Variants in MECOM observed in about 807,000 individuals in gnomAD.
MECOM encodes MDS1 and EVI1 complex locus, also known as histone-lysine N-methyltransferase MECOM.
In MECOM, 13 loss-of-function variants were observed where a neutral mutation model predicts 116.3. The observed-to-expected ratio is 0.11, with a 90% CI of 0.07 to 0.18. The LOEUF (loss-of-function observed/expected upper bound fraction) is 0.18, where lower values mean the gene tolerates loss of function less well. MECOM is among the 10% of genes least tolerant of loss of function. MECOM has a pLI of 1.00. For synonymous variants in MECOM, 528 were observed against 535.2 expected, an observed-to-expected ratio of 0.99 and a Z score of 0.19; for missense variants, 1,299 against 1,509.0, an observed-to-expected ratio of 0.86 and a Z score of 2.31.
At chr3:169,414,759 C>T (rs890795287) in intron 1 of MECOM, among the ~76,000 whole-genome samples, 8 of 151,996 alleles carry the variant, frequency 5.3e-5, no homozygotes, top group Non-Finnish European at 1.0e-4. Context: ...ATAGCCCAAT[C>T]AATCAAGTGG....
Position 169,116,150 on chromosome 3 carries a change from A to G in MECOM, c.1722T>C (p.Ser574=), listed in dbSNP as rs1460979618. The change falls in exon 8 of 17, where the codon AGT becomes AGC. Residue 574 remains serine (S), a synonymous_variant. Transcript: ENST00000651503. ...CAAGGTCACTACTCTCTGACTGGTC[A>G]CTGATTTTCTCAAAGGGCCTCTCTT... The part of the protein sequence containing the change: ...SSEERPFEKI[S]DQSESSDLDD... The G allele has an allele frequency of 1.2e-6, 2 of 1,613,994 alleles. No individual in the cohort carries two copies. Among genetic ancestry groups the G allele is most frequent in the Non-Finnish European group, 1.7e-6 (2 of 1,180,036 alleles).
intron 2 of MECOM, among the ~76,000 whole-genome samples, chr3:169,238,515 A>G (rs1443142452): frequency 6.6e-6 from 1 of 152,214 alleles, no homozygotes; most frequent in Non-Finnish European, 1.5e-5. Flanking sequence ...CCTTCAGATT[A>G]ATGTAAGGAA....
intron 1 of MECOM, chr3:169,565,912 T>C: frequency 2.3e-6 from 1 of 441,360 alleles, no homozygotes; most frequent in African/African-American, 2.0e-5. Flanking sequence ...TCACACTCCT[T>C]TAAAGAACTA....
chr3:169,535,312 A>C (rs1198870337), intron 1 of MECOM, among the ~76,000 whole-genome samples: 10 of 152,182 alleles, frequency 6.6e-5, no homozygotes, highest in African/African-American at 2.4e-4. Flanking sequence ...TGGCCCCAAG[A>C]GTCCTATTCA....
chr3:169,504,891 T>C (rs962773870), intron 1 of MECOM, among the ~76,000 whole-genome samples: 1 of 152,226 alleles, frequency 6.6e-6, no homozygotes, highest in Admixed American at 6.5e-5. Context: ...ATAAAATATA[T>C]GCTTACGCTT....
chr3:169,120,845 C>T, intron 7 of MECOM: 1 of 411,218 alleles, frequency 2.4e-6, no homozygotes. Flanking sequence ...TTGATTTCTT[C>T]TGAAAGAAAA....
chr3:169,335,697 G>C (rs1723482775), intron 2 of MECOM, among the ~76,000 whole-genome samples: 1 of 151,974 alleles, frequency 6.6e-6, no homozygotes, highest in African/African-American at 2.4e-5. Flanking sequence ...GTTATAATAT[G>C]TATTCATTAT....
At chr3:169,281,905 C>T (rs983901226) in intron 2 of MECOM, among the ~76,000 whole-genome samples, 1 of 152,116 alleles carries the variant, frequency 6.6e-6, no homozygotes, top group African/African-American at 2.4e-5. Flanking sequence ...AAACTTTAGT[C>T]ACCTGGGTTT....
intron 2 of MECOM, among the ~76,000 whole-genome samples, chr3:169,166,285 T>G (rs1743578447): frequency 6.6e-6 from 1 of 152,124 alleles, no homozygotes; most frequent in Non-Finnish European, 1.5e-5. Flanking sequence ...AACAGCATGG[T>G]AGGGAAGCGG....
At chr3:169,297,187 A>G (rs1715779579) in intron 2 of MECOM, among the ~76,000 whole-genome samples, 1 of 152,230 alleles carries the variant, frequency 6.6e-6, no homozygotes, top group Non-Finnish European at 1.5e-5. Flanking sequence ...AAAGTATGTC[A>G]AAATTGCCAT....
intron 1 of MECOM, among the ~76,000 whole-genome samples, chr3:169,542,760 GA>G (rs377626481): frequency 4.0e-5 from 6 of 151,162 alleles, no homozygotes; most frequent in African/African-American, 7.3e-5. Flanking sequence ...CAACTAGCAG[GA>G]AAAAAAAATA....
chr3:169,349,049 C>G (rs1484075486), intron 2 of MECOM, among the ~76,000 whole-genome samples: 1 of 151,344 alleles, frequency 6.6e-6, no homozygotes, highest in Non-Finnish European at 1.5e-5. Flanking sequence ...CATGTTCACC[C>G]CCATTCCCCT....
intron 1 of MECOM, among the ~76,000 whole-genome samples, chr3:169,407,902 G>A (rs779635215): frequency 6.6e-6 from 1 of 152,142 alleles, no homozygotes; most frequent in Non-Finnish European, 1.5e-5. Context: ...CTGTGACATT[G>A]ACATGCAAAA....
At chr3:169,464,513 T>C (rs1469248878) in intron 1 of MECOM, among the ~76,000 whole-genome samples, 1 of 152,044 alleles carries the variant, frequency 6.6e-6, no homozygotes, top group Non-Finnish European at 1.5e-5. Context: ...TCATTGCTTA[T>C]TACTTTTATT....
At chr3:169,644,534 G>A (rs1773914935) in intron 1 of MECOM, among the ~76,000 whole-genome samples, 3 of 152,188 alleles carry the variant, frequency 2.0e-5, no homozygotes, top group African/African-American at 4.8e-5. Context: ...TGGGATTATA[G>A]GGGTGAGCCA....
intron 1 of MECOM, among the ~76,000 whole-genome samples, chr3:169,440,076 T>C (rs185199573): frequency 8.7e-4 from 132 of 152,244 alleles, no homozygotes; most frequent in African/African-American, 3.2e-3. Context: ...AAGAATGAAA[T>C]AGGGAAAATG....
intron 12 of MECOM, among the ~76,000 whole-genome samples, chr3:169,098,184 A>G (rs1468302854): frequency 3.3e-5 from 5 of 152,176 alleles, no homozygotes; most frequent in East Asian, 3.8e-4. Flanking sequence ...ATGCAATACT[A>G]TTAACTAAAA....
intron 1 of MECOM, among the ~76,000 whole-genome samples, chr3:169,437,339 C>G (rs367921002): frequency 9.9e-5 from 15 of 152,226 alleles, no homozygotes; most frequent in African/African-American, 3.4e-4. Context: ...TAAATTGGGT[C>G]TCAGATAAAG....
intron 2 of MECOM, among the ~76,000 whole-genome samples, chr3:169,214,783 G>GA (rs1306038805): frequency 1.4e-5 from 2 of 148,104 alleles, no homozygotes; most frequent in Non-Finnish European, 3.0e-5. Flanking sequence ...TAGGTTTTCA[G>GA]AAAAAAAAGT....
Sources: gnomAD v4.1 joint callset for allele counts (sites outside exome capture counted in the v4.1 genomes callset) on GRCh38, gnomAD v4.1.1 for gene constraint, MANE v1.5 for transcripts, NCBI Gene and HGNC (gene_info 2026-07-23, HGNC 2026-07-21) for gene names.